The following BABAM2 variants were observed in gnomAD, a reference collection of about 807,000 sequenced individuals.
The protein encoded by BABAM2 is BRISC and BRCA1-A complex member 2.
BABAM2 carries 31 observed loss-of-function variants against 54.7 expected under a neutral mutation model. The ratio of observed to expected loss-of-function variants is 0.57; its 90% CI spans 0.43 to 0.77. The LOEUF (loss-of-function observed/expected upper bound fraction) is 0.77, where lower values mean the gene tolerates loss of function less well. BABAM2 is among the 30% of genes least tolerant of loss of function. The pLI, the probability that BABAM2 is intolerant of heterozygous loss-of-function variation, is 0.00. For missense variants in BABAM2, 364 were observed against 455.8 expected (o/e 0.80, Z 1.83); for synonymous variants, 167 against 162.9 (o/e 1.03, Z -0.19).
At chr2:28,258,615 C>CTTTTCTTTTTTT (rs752905871) in intron 10 of BABAM2, among the ~76,000 whole-genome samples, 10 of 100,040 alleles carry the variant, frequency 1.0e-4, no homozygotes, top group African/African-American at 1.5e-4. Context: ...TTTTTCTTTT[C>CTTTTCTTTTTTT]TTTTTTTTTT....
chr2:28,137,617 A>G (rs1430943499), intron 7 of BABAM2, among the ~76,000 whole-genome samples: 3 of 152,260 alleles, frequency 2.0e-5, no homozygotes, highest in East Asian at 1.9e-4. Context: ...GAGAAAATCA[A>G]TCAGCCCCAA....
intron 2 of BABAM2, among the ~76,000 whole-genome samples, chr2:27,922,029 C>G (rs116767574): frequency 6.6e-6 from 1 of 152,090 alleles, no homozygotes; most frequent in Non-Finnish European, 1.5e-5. Flanking sequence ...GTGTTCACCT[C>G]CTGGATATCA....
At position 28,057,783 on chromosome 2, in the gene BABAM2, TG is replaced by T. The variant is rs1344126031; in HGVS notation, c.570+11987del. On this transcript the variant is annotated intron_variant, in intron 6 of 11. Transcript: ENST00000379624. ...TTGGTGAGAGAGGATTACACCTGGC[TG>T]GGAAAAAAACCTTTATAAAGGAGGT... Among the ~76,000 whole-genome samples the T allele has an allele frequency of 3.9e-5, 6 of 152,014 alleles. No individual in the cohort carries two copies. In the East Asian group the frequency reaches 1.2e-3, roughly 29 times the overall value.
chr2:27,965,636 AT>A (rs941843368), intron 3 of BABAM2, among the ~76,000 whole-genome samples: 2 of 152,252 alleles, frequency 1.3e-5, no homozygotes, highest in East Asian at 3.9e-4. Flanking sequence ...TCATTATTCA[AT>A]TTTTTTGGTT....
At chr2:28,168,112 G>A (rs1673910213) in intron 7 of BABAM2, among the ~76,000 whole-genome samples, 1 of 152,182 alleles carries the variant, frequency 6.6e-6, no homozygotes, top group Non-Finnish European at 1.5e-5. Context: ...AACTCAAGGA[G>A]CCCAGTGGAA....
At chr2:28,300,114 T>C (rs1242716657) in intron 11 of BABAM2, among the ~76,000 whole-genome samples, 1 of 152,066 alleles carries the variant, frequency 6.6e-6, no homozygotes, top group African/African-American at 2.4e-5. Context: ...AATTTGTGTA[T>C]TTTGAGTAGA....
chr2:27,922,103 C>T (rs1558588561), intron 2 of BABAM2, among the ~76,000 whole-genome samples: 1 of 152,296 alleles, frequency 6.6e-6, no homozygotes, highest in East Asian at 1.9e-4. Context: ...TTAGCGTGTC[C>T]TGTAAGTGGT....
intron 7 of BABAM2, among the ~76,000 whole-genome samples, chr2:28,211,831 A>T (rs1359244254): frequency 6.6e-6 from 1 of 152,220 alleles, no homozygotes; most frequent in African/African-American, 2.4e-5. Context: ...GTATCACAAT[A>T]CTGATATTAT....
At chr2:28,016,066 G>C (rs1674788139) in intron 4 of BABAM2, 1 of 757,544 alleles carries the variant, frequency 1.3e-6, no homozygotes, top group African/African-American at 1.7e-5. Flanking sequence ...CCTTTCAGAA[G>C]ATTTATGTGA....
intron 3 of BABAM2, among the ~76,000 whole-genome samples, chr2:27,957,964 A>G (rs1158088032): frequency 6.6e-6 from 1 of 152,222 alleles, no homozygotes; most frequent in Non-Finnish European, 1.5e-5. Context: ...AAACTACATG[A>G]AGAGGCCACA....
intron 10 of BABAM2, among the ~76,000 whole-genome samples, chr2:28,285,955 CTTTT>C (rs376315142): frequency 1.4e-5 from 2 of 138,398 alleles, no homozygotes; most frequent in African/African-American, 2.7e-5. Flanking sequence ...CGAATAATAA[CTTTT>C]TTTTTTTTTT....
At chr2:27,981,894 G>C (rs1672027570) in intron 3 of BABAM2, among the ~76,000 whole-genome samples, 1 of 152,152 alleles carries the variant, frequency 6.6e-6, no homozygotes, top group African/African-American at 2.4e-5. Flanking sequence ...TGTAGGGTCA[G>C]ATGGTAGCTC....
At chr2:28,159,532 G>A (rs954656686) in intron 7 of BABAM2, among the ~76,000 whole-genome samples, 1 of 152,208 alleles carries the variant, frequency 6.6e-6, no homozygotes, top group Non-Finnish European at 1.5e-5. Context: ...GAATGCAAGA[G>A]GGTGCCTGGC....
At chr2:28,102,203 T>G (rs961373480) in intron 6 of BABAM2, among the ~76,000 whole-genome samples, 1 of 152,200 alleles carries the variant, frequency 6.6e-6, no homozygotes. Context: ...TTTGAATAAA[T>G]AAATGAATAA....
intron 7 of BABAM2, among the ~76,000 whole-genome samples, chr2:28,141,290 T>C (rs1671032570): frequency 6.7e-6 from 1 of 149,304 alleles, no homozygotes; most frequent in African/African-American, 2.4e-5. Context: ...TTAGTAAACT[T>C]GTTCTAGCAA....
chr2:28,288,654 G>A (rs949292141), intron 10 of BABAM2, among the ~76,000 whole-genome samples: 2 of 152,114 alleles, frequency 1.3e-5, no homozygotes, highest in African/African-American at 2.4e-5. Flanking sequence ...AATTAAAAGT[G>A]GAGAATTATG....
At chr2:28,048,220 T>A (rs1046768087) in intron 6 of BABAM2, among the ~76,000 whole-genome samples, 1 of 152,230 alleles carries the variant, frequency 6.6e-6, no homozygotes, top group Non-Finnish European at 1.5e-5. Context: ...ACAATGACAT[T>A]TCATTACACT....
At chr2:28,222,210 T>C (rs1680480739) in intron 7 of BABAM2, among the ~76,000 whole-genome samples, 1 of 152,168 alleles carries the variant, frequency 6.6e-6, no homozygotes, top group Non-Finnish European at 1.5e-5. Flanking sequence ...GGAAGTGTTA[T>C]TTTTGGAGAG....
chr2:27,908,904 T>G (rs1279024868), intron 2 of BABAM2, among the ~76,000 whole-genome samples: 5 of 152,170 alleles, frequency 3.3e-5, no homozygotes, highest in Non-Finnish European at 7.4e-5. Context: ...ACACCAACAC[T>G]TATTACTTTC....
Sources: allele counts gnomAD v4.1 joint callset (sites outside exome capture counted in the v4.1 genomes callset), GRCh38; gene constraint gnomAD v4.1.1; transcripts MANE v1.5; gene names NCBI Gene and HGNC (gene_info 2026-07-23, HGNC 2026-07-21).